Variants in NPSR1 observed in about 807,000 individuals in gnomAD.
NPSR1 encodes the protein neuropeptide S receptor 1.
A neutral mutation model predicts 46.9 loss-of-function variants in NPSR1; 48 were observed. The observed-to-expected ratio is 1.02, with a 90% CI of 0.81 to 1.30. The LOEUF (loss-of-function observed/expected upper bound fraction) is 1.30. Among genes scored for constraint, NPSR1 ranks in the 50% most tolerant of loss-of-function variants. The pLI, the probability that NPSR1 is intolerant of heterozygous loss-of-function variation, is 0.00. For synonymous variants in NPSR1, 176 were observed against 168.1 expected, an observed-to-expected ratio of 1.05 and a Z score of -0.36; for missense variants, 450 against 449.5, an observed-to-expected ratio of 1.00 and a Z score of -0.01.
At chr7:34,874,046 AAGAG>A (rs1246034294) in intron 8 of NPSR1, among the ~76,000 whole-genome samples, 1 of 151,618 alleles carries the variant, frequency 6.6e-6, no homozygotes, top group Non-Finnish European at 1.5e-5. Flanking sequence ...CTTCTCTTGA[AAGAG>A]GAGAAGACTG....
In NPSR1 at chr7:34,665,205, T is replaced by G. The variant is rs192430083; in HGVS notation, c.147+6646T>G. 2.4e-3 allele frequency among the ~76,000 whole-genome samples: 373 copies of G among 152,258 alleles called. 3 individuals carry two copies. The highest frequency in any genetic ancestry group is 3.8e-3 in the Non-Finnish European group (256 of 68,012). On this transcript the variant is annotated intron_variant, in intron 1 of 8. Coordinates refer to ENST00000360581, the MANE Select transcript of NPSR1 (RefSeq NM_207172.2). ...AACAGTAAAAAACAAACCCTAAATC[T>G]CCGTGATTTAACACACCAGAGGTTT... is the stretch of plus-strand genomic sequence containing the variant.
intron 6 of NPSR1, among the ~76,000 whole-genome samples, chr7:34,844,625 T>C (rs1003432645): frequency 5.9e-5 from 9 of 152,224 alleles, no homozygotes; most frequent in African/African-American, 2.2e-4. Flanking sequence ...TAATTTCAGC[T>C]GCAGCTGTTC....
chr7:34,664,770 A>G (rs1337439041), intron 1 of NPSR1, among the ~76,000 whole-genome samples: 1 of 152,232 alleles, frequency 6.6e-6, no homozygotes, highest in Admixed American at 6.5e-5. Context: ...CAGAAAGAGC[A>G]AATTATGCCC....
chr7:34,672,880 G>A (rs1334071067), intron 1 of NPSR1, among the ~76,000 whole-genome samples: 2 of 152,108 alleles, frequency 1.3e-5, no homozygotes, highest in Non-Finnish European at 2.9e-5. Context: ...CACAGGCCCT[G>A]GACCTTGTCC....
At chr7:34,794,754 A>G (rs1007407430) in intron 3 of NPSR1, among the ~76,000 whole-genome samples, 7 of 152,338 alleles carry the variant, frequency 4.6e-5, no homozygotes, top group African/African-American at 1.7e-4. Context: ...ACACATCAAT[A>G]TATCTGATGA....
chr7:34,668,776 G>C (rs1293215119), intron 1 of NPSR1, among the ~76,000 whole-genome samples: 1 of 152,082 alleles, frequency 6.6e-6, no homozygotes, highest in African/African-American at 2.4e-5. Flanking sequence ...ACAGAGTAAC[G>C]AACCTTGCCC....
chr7:34,847,409 A>G (rs1790775121), intron 7 of NPSR1, among the ~76,000 whole-genome samples: 1 of 152,004 alleles, frequency 6.6e-6, no homozygotes, highest in Non-Finnish European at 1.5e-5. Context: ...AATGAGAGAG[A>G]GAGAGAGAGA....
intron 1 of NPSR1, among the ~76,000 whole-genome samples, chr7:34,683,082 T>C (rs1198941411): frequency 1.3e-5 from 2 of 152,126 alleles, no homozygotes; most frequent in Non-Finnish European, 2.9e-5. Context: ...AACTGATCTG[T>C]AAATCCAGGA....
At chr7:34,784,552 T>G (rs1382008834) in intron 3 of NPSR1, among the ~76,000 whole-genome samples, 2 of 152,196 alleles carry the variant, frequency 1.3e-5, no homozygotes, top group Admixed American at 6.6e-5. Context: ...TCATGGTGGA[T>G]AAGCTTTTTG....
chr7:34,792,969 G>C (rs1450191579), intron 3 of NPSR1, among the ~76,000 whole-genome samples: 1 of 151,224 alleles, frequency 6.6e-6, no homozygotes, highest in Non-Finnish European at 1.5e-5. Context: ...AGGAGGATTT[G>C]AGACCAGGAG....
chr7:34,830,022 T>G (rs1790041911), intron 5 of NPSR1, among the ~76,000 whole-genome samples: 2 of 152,148 alleles, frequency 1.3e-5, no homozygotes, highest in Non-Finnish European at 2.9e-5. Flanking sequence ...AGAAACAACT[T>G]CTCTCTTGGG....
At chr7:34,763,917 C>CG (rs1005431587) in intron 2 of NPSR1, among the ~76,000 whole-genome samples, 1 of 151,970 alleles carries the variant, frequency 6.6e-6, no homozygotes, top group African/African-American at 2.4e-5. Context: ...AAAGACTTGA[C>CG]TTTTTTTTAG....
chr7:34,859,920 G>T (rs369015986), intron 8 of NPSR1, among the ~76,000 whole-genome samples: 1 of 151,654 alleles, frequency 6.6e-6, no homozygotes, highest in Non-Finnish European at 1.5e-5. Flanking sequence ...AACTGTGTAG[G>T]CCTCCTTTGC....
chr7:34,780,847 A>T (rs2128737980), intron 3 of NPSR1, among the ~76,000 whole-genome samples: 1 of 152,286 alleles, frequency 6.6e-6, no homozygotes, highest in African/African-American at 2.4e-5. Flanking sequence ...CTTAAATCAG[A>T]ACTCACCCAC....
At chr7:34,798,217 T>C (rs34957734) in intron 3 of NPSR1, among the ~76,000 whole-genome samples, 1,670 of 152,252 alleles carry the variant, frequency 0.011, 32 homozygotes, top group African/African-American at 0.035. Flanking sequence ...CTTATTAGGA[T>C]AAGTGAACTG....
intron 1 of NPSR1, among the ~76,000 whole-genome samples, chr7:34,666,732 A>G (rs909282284): frequency 6.6e-6 from 1 of 152,202 alleles, no homozygotes; most frequent in Non-Finnish European, 1.5e-5. Flanking sequence ...ATCTTAAAAC[A>G]TGGCCCCCAG....
chr7:34,791,145 A>AATAT (rs1491504029), intron 3 of NPSR1, among the ~76,000 whole-genome samples: 1 of 73,924 alleles, frequency 1.4e-5, no homozygotes, highest in East Asian at 3.5e-4. Context: ...TATTATATAT[A>AATAT]ATATGTTATA....
chr7:34,769,619 T>C (rs1285415431), intron 2 of NPSR1, among the ~76,000 whole-genome samples: 1 of 152,236 alleles, frequency 6.6e-6, no homozygotes, highest in Non-Finnish European at 1.5e-5. Flanking sequence ...CATGCTGTTA[T>C]ATGTGCCTAG....
chr7:34,781,240 G>T (rs575392590), intron 3 of NPSR1, among the ~76,000 whole-genome samples: 54 of 152,204 alleles, frequency 3.5e-4, no homozygotes, highest in African/African-American at 1.3e-3. Flanking sequence ...ATGAATGGGG[G>T]AATTAATAGT....
Sources: allele counts gnomAD v4.1 joint callset (sites outside exome capture counted in the v4.1 genomes callset), GRCh38; gene constraint gnomAD v4.1.1; transcripts MANE v1.5; gene names NCBI Gene and HGNC (gene_info 2026-07-23, HGNC 2026-07-21).